Variants in TIMM17A observed in about 807,000 individuals in gnomAD.
TIMM17A encodes the protein translocase of inner mitochondrial membrane 17A.
TIMM17A carries 15 observed loss-of-function variants against 26.5 expected under a neutral mutation model. The ratio of observed to expected loss-of-function variants is 0.57; its 90% confidence interval spans 0.38 to 0.87. The LOEUF (loss-of-function observed/expected upper bound fraction) is 0.87, where lower values mean the gene tolerates loss of function less well. TIMM17A is among the 40% of genes least tolerant of loss of function. The pLI is 0.00. For missense variants in TIMM17A, 201 were observed against 210.0 expected (o/e 0.96, Z 0.27); for synonymous variants, 80 against 70.8 (o/e 1.13, Z -0.66).
intron 3 of TIMM17A, among the ~76,000 whole-genome samples, chr1:201,959,713 G>A (rs6702239): frequency 0.1 from 15,640 of 151,170 alleles, 906 homozygotes; most frequent in Middle Eastern, 0.19. Flanking sequence ...GGTGGCTCAC[G>A]ACTGTAATCC....
chr1:201,961,216 C>T (rs1283540544), intron 3 of TIMM17A, among the ~76,000 whole-genome samples: 2 of 152,086 alleles, frequency 1.3e-5, no homozygotes, highest in Non-Finnish European at 2.9e-5. Flanking sequence ...CAGGCGCATG[C>T]CGCCACTTCT....
At chr1:201,963,790 A>G in intron 4 of TIMM17A, 46 bp downstream of exon 4, 1 of 1,554,040 alleles carries the variant, frequency 6.4e-7, no homozygotes, top group Non-Finnish European at 8.7e-7. Flanking sequence ...CACTTTTAGG[A>G]AAACCTCATC....
chr1:201,957,352 C>T lies in TIMM17A; in HGVS notation c.98C>T (p.Ala33Val). The change falls in exon 2 of 6, where the codon GCA becomes GTA. Residue 33 changes from alanine to valine, a missense_variant. By Grantham distance (64) the Ala-to-Val change is moderately conservative. Transcript: ENST00000367287. ...ACCATTGGTGGTGGTATCTTTCAAG[C>T]AATCAAAGGTTTTCGCAATTCTCCA... ...MGTIGGGIFQ[A>V]IKGFRNSPVG... The T allele has an allele frequency of 6.2e-7, 1 of 1,613,858 alleles. No homozygotes were observed. The highest frequency in any genetic ancestry group is 1.1e-5 in the South Asian group (1 of 91,076).
chr1:201,966,718 T>G (rs967626081), intron 5 of TIMM17A, among the ~76,000 whole-genome samples: 15 of 151,412 alleles, frequency 9.9e-5, no homozygotes, highest in Non-Finnish European at 1.9e-4. Context: ...GGCACACGCC[T>G]GTAATCGCAG....
At chr1:201,961,354 A>C (rs1459137088) in intron 3 of TIMM17A, among the ~76,000 whole-genome samples, 4 of 151,806 alleles carry the variant, frequency 2.6e-5, no homozygotes, top group Non-Finnish European at 5.9e-5. Flanking sequence ...GGCGTGAGCC[A>C]TCCGGCCCAG....
chr1:201,963,748 A>G lies in TIMM17A; in HGVS notation c.319+4A>G. On this transcript the variant is annotated splice_donor_region_variant and intron_variant, in intron 4 of 5. Transcript: ENST00000367287. ...GGAGCCATACTGGCAGCAAGAAGTA[A>G]GTAGTCATTACAGACATACTAGTAG... 1.3e-6 allele frequency: 2 copies of G among 1,594,868 alleles called. No homozygotes were observed. The highest frequency in any genetic ancestry group is 1.7e-6 in the Non-Finnish European group (2 of 1,175,288).
chr1:201,959,927 G>A (rs1444141789), intron 3 of TIMM17A, among the ~76,000 whole-genome samples: 9 of 152,040 alleles, frequency 5.9e-5, no homozygotes, highest in African/African-American at 2.2e-4. Flanking sequence ...CTGAACCCGG[G>A]AGGCGGAACT....
intron 4 of TIMM17A, among the ~76,000 whole-genome samples, chr1:201,964,646 T>A (rs887728971): frequency 0.06 from 7,364 of 121,776 alleles, 345 homozygotes; most frequent in Admixed American, 0.12. Context: ...TTTTTTTTTT[T>A]TTTTTTTTTT....
At chr1:201,966,788 G>A (rs955206940) in intron 5 of TIMM17A, among the ~76,000 whole-genome samples, 4 of 148,322 alleles carry the variant, frequency 2.7e-5, no homozygotes, top group African/African-American at 5.0e-5. Flanking sequence ...ATTGCAGTGA[G>A]CTGAGATCAC....
At chr1:201,961,475 A>G (rs1359257169) in intron 3 of TIMM17A, among the ~76,000 whole-genome samples, 1 of 152,116 alleles carries the variant, frequency 6.6e-6, no homozygotes, top group East Asian at 1.9e-4. Context: ...CTCATCTTGT[A>G]CTTTTCATGC....
chr1:201,958,836 C>A (rs1158729776), intron 3 of TIMM17A, among the ~76,000 whole-genome samples: 1 of 152,192 alleles, frequency 6.6e-6, no homozygotes, highest in Non-Finnish European at 1.5e-5. Flanking sequence ...TTAACTCTCA[C>A]AGTAATGAAG....
chr1:201,967,013 GTGTATA>G lies in TIMM17A; in HGVS notation c.430+1472_430+1477del, dbSNP rs1558251946. ...ATGTTGTGTGTGTGTGTGTGTGTGT[GTGTATA>G]TATATATAGTGAGGATAGTAGTAGT... On this transcript the variant is annotated intron_variant, in intron 5 of 5. Coordinates refer to ENST00000367287, the MANE Select transcript of TIMM17A (RefSeq NM_006335.3). 2.2e-5 allele frequency among the ~76,000 whole-genome samples: 3 copies of G among 138,744 alleles called. 1 individual carries two copies. The South Asian group carries it at 7.3e-4, about 34-fold the overall frequency. The allele number at this position is 138,744 out of a possible 152,430, so 91.0% of individuals were successfully genotyped here. A position where few individuals can be genotyped will look rare whatever the true frequency, so the allele number is the denominator to read the frequency against.
At chr1:201,957,416 G>T (rs763685597) in intron 2 of TIMM17A, 36 bp downstream of exon 2, 2 of 1,591,534 alleles carry the variant, frequency 1.3e-6, no homozygotes, top group South Asian at 2.2e-5. Flanking sequence ...ATCATCACTT[G>T]CAACTTGGGT....
chr1:201,966,968 A>G (rs1464218395), intron 5 of TIMM17A, among the ~76,000 whole-genome samples: 41 of 113,730 alleles, frequency 3.6e-4, no homozygotes, highest in African/African-American at 1.1e-3. Flanking sequence ...GTTATATATT[A>G]TATATGTTGT....
chr1:201,966,053 C>G (rs1682618918), intron 5 of TIMM17A, among the ~76,000 whole-genome samples: 1 of 152,154 alleles, frequency 6.6e-6, no homozygotes. Context: ...TTGGGAAGGT[C>G]ACTTTAGGGT....
In TIMM17A at chr1:201,965,461, C is replaced by T. The variant is rs141353167; in HGVS notation, c.348C>T (p.Ala116=). ...GACCAGTGGCCATGGTTGGGTCAGCCGCAATGGGTGGCATTCTCCTAGCTT... is the reference window on the plus strand; with the variant it reads ...GACCAGTGGCCATGGTTGGGTCAGCTGCAATGGGTGGCATTCTCCTAGCTT... The part of the protein sequence containing the change: ...RNGPVAMVGS[A]AMGGILLALI... Residue 116 remains alanine, a synonymous_variant, in exon 5 of 6, where the codon GCC becomes GCT. Coordinates refer to ENST00000367287, the MANE Select transcript of TIMM17A (RefSeq NM_006335.3). 168 of 1,613,746 alleles carry T rather than the reference C, an allele frequency of 1.0e-4. 1 individual carries two copies. Among genetic ancestry groups the T allele is most frequent in the African/African-American group, 1.0e-3 (77 of 74,918 alleles).
intron 1 of TIMM17A, 42 bp downstream of exon 1, chr1:201,955,594 C>T (rs200679608): frequency 1.8e-5 from 29 of 1,613,814 alleles, no homozygotes; most frequent in Non-Finnish European, 2.2e-5. Flanking sequence ...TGCCCCCCTG[C>T]CCACTGCCCT....
At chr1:201,961,150 C>G (rs1682520504) in intron 3 of TIMM17A, among the ~76,000 whole-genome samples, 1 of 149,872 alleles carries the variant, frequency 6.7e-6, no homozygotes, top group Non-Finnish European at 1.5e-5. Context: ...ACGTCAACTT[C>G]CATCTGTCCG....
chr1:201,956,902 GCCAAGATTGCGCCATTGCACT>G (rs1682421675), intron 1 of TIMM17A, among the ~76,000 whole-genome samples: 1 of 149,606 alleles, frequency 6.7e-6, no homozygotes, highest in Non-Finnish European at 1.5e-5. Flanking sequence ...GTTGCAGTGA[GCCAAGATTGCGCCATTGCACT>G]CCAGCCTGGG....
Sources: gnomAD v4.1 joint callset for allele counts (sites outside exome capture counted in the v4.1 genomes callset) on GRCh38, gnomAD v4.1.1 for gene constraint, MANE v1.5 for transcripts, NCBI Gene and HGNC (gene_info 2026-07-23, HGNC 2026-07-21) for gene names.